The following SECISBP2L variants were observed in gnomAD, a reference collection of about 807,000 sequenced individuals.
SECISBP2L encodes SECIS binding protein 2 like, also known as selenocysteine insertion sequence-binding protein 2-like.
A neutral mutation model predicts 114.7 loss-of-function variants in SECISBP2L; 43 were observed. That is an observed-to-expected ratio of 0.38 (90% confidence interval 0.29 to 0.48). The LOEUF (loss-of-function observed/expected upper bound fraction) is 0.48. Ranked by LOEUF, SECISBP2L falls within the 20% of genes least tolerant of loss-of-function variation. The probability of loss-of-function intolerance (pLI) is 0.98; values close to 1 mark genes in which losing one functional copy is unlikely to be tolerated. For synonymous variants in SECISBP2L, 451 were observed against 439.7 expected (o/e 1.03, Z -0.32); for missense variants, 1,136 against 1,301.1 (o/e 0.87, Z 1.95).
chr15:49,046,254 G>A, intron 1 of SECISBP2L, 22 bp downstream of exon 1: 1 of 1,566,626 alleles, frequency 6.4e-7, no homozygotes, highest in Non-Finnish European at 8.6e-7. Context: ...CGGCTCGGCG[G>A]GCCCAGCCCA....
intron 12 of SECISBP2L, 38 bp from the exon 13 acceptor site, chr15:49,011,901 T>A: frequency 6.3e-7 from 1 of 1,598,708 alleles, no homozygotes; most frequent in South Asian, 1.1e-5. Context: ...TACAGATTAC[T>A]CTTCAACTGT....
At chr15:49,024,714 C>T (rs1276921403) in intron 7 of SECISBP2L, among the ~76,000 whole-genome samples, 2 of 151,872 alleles carry the variant, frequency 1.3e-5, no homozygotes, top group Non-Finnish European at 2.9e-5. Flanking sequence ...TGTTTAGAGC[C>T]TAAAAACAAT....
chr15:49,015,119 T>C (rs1043973105), intron 11 of SECISBP2L, among the ~76,000 whole-genome samples: 3 of 152,150 alleles, frequency 2.0e-5, no homozygotes, highest in Admixed American at 1.3e-4. Flanking sequence ...CTCATATTAA[T>C]GTGAGGAAAC....
chr15:49,028,505 T>C lies in SECISBP2L; in HGVS notation c.842A>G (p.Asn281Ser), dbSNP rs769919567. 1.1e-5 allele frequency: 18 copies of C among 1,614,054 alleles called. No homozygotes were observed. The highest frequency in any genetic ancestry group is 1.4e-5 in the Non-Finnish European group (17 of 1,180,028). ...DSGYCSPKHS[N>S]NQPAAGALRN... ...CAAAGCCCCTGCTGCAGGCTGGTTG[T>C]TGCTGTGTTTGGGACTGCAGTAACC... is the stretch of plus-strand genomic sequence containing the variant. Residue 281 changes from asparagine (N) to serine (S), a missense_variant, in exon 5 of 18, where the codon AAC becomes AGC. Around this residue, in one of 2 missense-constraint regions of SECISBP2L, gnomAD observed 452 missense variants for 452.3 expected, o/e 1.00. Coordinates refer to ENST00000559471, the MANE Select transcript of SECISBP2L (RefSeq NM_001193489.2).
Position 49,009,291 on chromosome 15 carries a change from G to C in SECISBP2L, c.1952C>G (p.Ser651Cys). ...PYCMTPVSQG[S>C]PASSGIGSPM... The stretch of plus-strand genomic sequence containing the variant: ...ACTGCCTATTCCAGAACTAGCAGGA[G>C]AGCCTTGTGACACAGGTGTCATACA... The change falls in exon 14 of 18, where the codon TCT becomes TGT. Residue 651 changes from serine to cysteine, a missense_variant. Transcript: ENST00000559471. 1 of 1,614,162 alleles carries C rather than the reference G, an allele frequency of 6.2e-7. No individual in the cohort carries two copies. Among genetic ancestry groups the C allele is most frequent in the Non-Finnish European group, 8.5e-7 (1 of 1,180,004 alleles).
intron 16 of SECISBP2L, 111 bp from the exon 17 acceptor site, chr15:48,996,697 GGAC>G: frequency 1.1e-6 from 1 of 880,268 alleles, no homozygotes; most frequent in South Asian, 1.7e-5. Context: ...CTTTCAATGA[GGAC>G]AAAATCCAAA....
rs1302993733 is a variant in SECISBP2L, at chr15:48,992,087, A to C, written c.*157T>G. On this transcript the variant is annotated 3_prime_UTR_variant, in exon 18 of 18. Transcript: ENST00000559471. The stretch of plus-strand genomic sequence containing the variant: ...GACACTTAGATACTAATTAAAAGCT[A>C]AGCTACAGATCATAACAAGTAAAAG... The C allele has an allele frequency of 5.1e-5, 32 of 626,616 alleles. No homozygotes were observed. The highest frequency in any genetic ancestry group is 5.7e-5 in the Non-Finnish European group (22 of 383,908). 38.8% of individuals were successfully genotyped at this position (626,616 alleles called of 1,614,324 possible).
At chr15:49,032,278 G>A (rs981722238) in intron 4 of SECISBP2L, among the ~76,000 whole-genome samples, 2 of 152,158 alleles carry the variant, frequency 1.3e-5, no homozygotes, top group African/African-American at 4.8e-5. Context: ...CAATAACTAT[G>A]GGTGAGAGGA....
intron 9 of SECISBP2L, 117 bp downstream of exon 9, chr15:49,017,431 T>C (rs1902558646): frequency 1.5e-6 from 1 of 670,946 alleles, no homozygotes; most frequent in African/African-American, 1.8e-5. Context: ...CTAAACACCA[T>C]CTCCTGCACA....
At chr15:48,994,837 C>A (rs1235467967) in intron 17 of SECISBP2L, among the ~76,000 whole-genome samples, 35 of 66,456 alleles carry the variant, frequency 5.3e-4, no homozygotes, top group Admixed American at 4.2e-4. Flanking sequence ...ATAGTAAGTG[C>A]TGGGGAAAAA....
chr15:49,046,236 C>G, intron 1 of SECISBP2L, 40 bp downstream of exon 1: 2 of 1,571,028 alleles, frequency 1.3e-6, no homozygotes, highest in Non-Finnish European at 1.7e-6. Flanking sequence ...AGCGGCGACC[C>G]CAACCCCCGG....
At chr15:49,001,214 A>G in intron 14 of SECISBP2L, 117 bp from the exon 15 acceptor site, 1 of 659,798 alleles carries the variant, frequency 1.5e-6, no homozygotes, top group Non-Finnish European at 2.5e-6. Context: ...TTTTCATGAA[A>G]AGTCTCTTAA....
chr15:49,012,893 A>G, intron 11 of SECISBP2L, 76 bp from the exon 12 acceptor site: 1 of 1,409,706 alleles, frequency 7.1e-7, no homozygotes, highest in Non-Finnish European at 9.7e-7. Context: ...ATAACTACAA[A>G]AACAAGAACA....
chr15:49,043,729 TATAA>T (rs926447501), intron 1 of SECISBP2L, among the ~76,000 whole-genome samples: 4 of 151,942 alleles, frequency 2.6e-5, no homozygotes, highest in African/African-American at 9.7e-5. Flanking sequence ...GAGAATACTC[TATAA>T]AAAGTGCTGA....
chr15:48,991,195 A>G lies in SECISBP2L; in HGVS notation c.*1049T>C, dbSNP rs1053240573. On this transcript the variant is annotated 3_prime_UTR_variant, in exon 18 of 18. Coordinates refer to ENST00000559471, the MANE Select transcript of SECISBP2L (RefSeq NM_001193489.2). ...TCAGGATACATGTCACAAGTTGTGCAAAGTTCCTTTCCTTGACCTCCTGAC... is the reference window on the plus strand; with the variant it reads ...TCAGGATACATGTCACAAGTTGTGCGAAGTTCCTTTCCTTGACCTCCTGAC... The G allele has an allele frequency of 6.6e-6, 1 of 152,234 alleles. No homozygotes were observed. Among genetic ancestry groups the G allele is most frequent in the Non-Finnish European group, 1.5e-5 (1 of 68,030 alleles). The allele number at this position is 152,234 out of a possible 1,614,324, so 9.4% of individuals were successfully genotyped here.
At position 49,035,366 on chromosome 15, in the gene SECISBP2L, T is replaced by G. The variant is rs143023993; in HGVS notation, c.496A>C (p.Arg166=). The change falls in exon 3 of 18, where the codon AGA becomes CGA. Residue 166 remains arginine, a synonymous_variant. Transcript: ENST00000559471. ...ACCACTGATCCTCTGTTACTGTTTCTGCTTCGATGGCTGGACAATGGGAAG... is the reference window on the plus strand; with the variant it reads ...ACCACTGATCCTCTGTTACTGTTTCGGCTTCGATGGCTGGACAATGGGAAG... ...QVFPLSSHRS[R]NSNRGSVVPK... is the part of the protein sequence containing the mutation. 9 of 1,614,098 alleles carry G rather than the reference T, an allele frequency of 5.6e-6. No homozygotes were observed. Among genetic ancestry groups the G allele is most frequent in the Middle Eastern group, 1.6e-4 (1 of 6,084 alleles).
intron 1 of SECISBP2L, among the ~76,000 whole-genome samples, chr15:49,045,826 C>T (rs1399746830): frequency 1.3e-5 from 2 of 152,198 alleles, no homozygotes; most frequent in African/African-American, 4.8e-5. Flanking sequence ...TGAACACAGA[C>T]CTAAAAGGCC....
chr15:49,021,707 T>C (rs144812691), intron 7 of SECISBP2L, among the ~76,000 whole-genome samples: 39 of 152,272 alleles, frequency 2.6e-4, no homozygotes, highest in African/African-American at 8.4e-4. Context: ...ACAATTTCCT[T>C]TAAAAACAAA....
chr15:49,019,354 C>A, intron 8 of SECISBP2L, 64 bp downstream of exon 8: 1 of 1,247,940 alleles, frequency 8.0e-7, no homozygotes, highest in African/African-American at 1.6e-5. Flanking sequence ...CACAATGTAA[C>A]AAATTAATTT....
Sources: gnomAD v4.1 joint callset for allele counts (sites outside exome capture counted in the v4.1 genomes callset) on GRCh38, gnomAD v4.1.1 for gene constraint, gnomAD v4.1.1 regional missense constraint, MANE v1.5 for transcripts, NCBI Gene and HGNC (gene_info 2026-07-23, HGNC 2026-07-21) for gene names.